CCSER1: variants seen among roughly 807,000 people sequenced by gnomAD.
The protein encoded by CCSER1 is coiled-coil serine rich protein 1, also known as serine-rich coiled-coil domain-containing protein 1.
CCSER1 carries 41 observed loss-of-function variants against 82.0 expected under a neutral mutation model. The observed-to-expected ratio is 0.50, with a 90% CI of 0.39 to 0.65. The LOEUF is 0.65. Ranked by LOEUF, CCSER1 falls within the 30% of genes least tolerant of loss-of-function variation. The pLI is 0.00. For synonymous variants in CCSER1, 414 were observed against 383.9 expected, an observed-to-expected ratio of 1.08 and a Z score of -0.92; for missense variants, 1,119 against 1,064.2, an observed-to-expected ratio of 1.05 and a Z score of -0.72.
In CCSER1 at chr4:90,130,951, T is replaced by G. The variant is rs558439875; in HGVS notation, c.-42+3120T>G. ...TATTCTTGAATTTAATTGTTAATAT[T>G]TACACATTTAAGAAGACAAATCTTT... On this transcript the variant is annotated intron_variant, in intron 1 of 10. Coordinates refer to ENST00000509176, the MANE Select transcript of CCSER1 (RefSeq NM_001145065.2). 8.7e-4 allele frequency among the ~76,000 whole-genome samples: 133 copies of G among 152,216 alleles called. 1 individual carries two copies. Among genetic ancestry groups the G allele is most frequent in the African/African-American group, 3.1e-3 (127 of 41,552 alleles).
chr4:90,128,293 G>A (rs1722172740), intron 1 of CCSER1, among the ~76,000 whole-genome samples: 2 of 152,100 alleles, frequency 1.3e-5, no homozygotes, highest in African/African-American at 4.8e-5. Flanking sequence ...GAGGGGGAAG[G>A]GGAGGAGGGG....
At chr4:91,179,976 A>T (rs891747830) in intron 10 of CCSER1, among the ~76,000 whole-genome samples, 1 of 152,212 alleles carries the variant, frequency 6.6e-6, no homozygotes, top group Non-Finnish European at 1.5e-5. Context: ...GGTGATGTAC[A>T]GATGGGGTTT....
At chr4:91,258,203 A>AT (rs1342712794) in intron 10 of CCSER1, among the ~76,000 whole-genome samples, 1 of 152,104 alleles carries the variant, frequency 6.6e-6, no homozygotes, top group African/African-American at 2.4e-5. Context: ...GTAGAAATGT[A>AT]TTTTTTTCAC....
chr4:90,968,960 T>G (rs1190746169), intron 9 of CCSER1, among the ~76,000 whole-genome samples: 2 of 150,986 alleles, frequency 1.3e-5, no homozygotes, highest in Non-Finnish European at 3.0e-5. Flanking sequence ...AATGTAAAGT[T>G]CAACAAAGAG....
chr4:91,573,653 C>T (rs979474336), intron 10 of CCSER1, among the ~76,000 whole-genome samples: 1 of 152,152 alleles, frequency 6.6e-6, no homozygotes, highest in African/African-American at 2.4e-5. Flanking sequence ...CGTGATGCTA[C>T]CAGGTGGACC....
chr4:90,939,594 A>G (rs1211115202), intron 9 of CCSER1, among the ~76,000 whole-genome samples: 1 of 152,232 alleles, frequency 6.6e-6, no homozygotes, highest in Non-Finnish European at 1.5e-5. Flanking sequence ...GAAATGCCAT[A>G]GAGCCAAGAA....
intron 8 of CCSER1, among the ~76,000 whole-genome samples, chr4:90,846,239 G>T (rs1366835758): frequency 1.3e-5 from 2 of 152,162 alleles, no homozygotes; most frequent in Non-Finnish European, 2.9e-5. Context: ...TTTATGTATA[G>T]AAATCCTTCA....
At chr4:91,311,624 C>T (rs1048595145) in intron 10 of CCSER1, among the ~76,000 whole-genome samples, 4 of 151,838 alleles carry the variant, frequency 2.6e-5, no homozygotes, top group African/African-American at 9.7e-5. Context: ...TAGTAGCTGT[C>T]TGTATTTCTA....
intron 10 of CCSER1, among the ~76,000 whole-genome samples, chr4:91,439,444 C>T (rs1320718442): frequency 6.6e-6 from 1 of 152,040 alleles, no homozygotes; most frequent in Non-Finnish European, 1.5e-5. Context: ...GAGACTTTGT[C>T]ACCACCAGGC....
At chr4:90,266,027 A>G (rs1179208409) in intron 1 of CCSER1, among the ~76,000 whole-genome samples, 1 of 152,194 alleles carries the variant, frequency 6.6e-6, no homozygotes, top group Non-Finnish European at 1.5e-5. Flanking sequence ...TTAGTTATTC[A>G]TATTCAGATT....
intron 10 of CCSER1, among the ~76,000 whole-genome samples, chr4:91,378,892 A>G (rs1578311468): frequency 2.0e-5 from 3 of 152,306 alleles, no homozygotes; most frequent in Admixed American, 2.0e-4. Context: ...TGGGTTTGCC[A>G]TAGATAGCTC....
At chr4:90,920,043 C>T (rs1023948906) in intron 8 of CCSER1, among the ~76,000 whole-genome samples, 1 of 151,772 alleles carries the variant, frequency 6.6e-6, no homozygotes, top group South Asian at 2.1e-4. Context: ...TTTAATTCTT[C>T]ACTATCCTTC....
Position 91,117,341 on chromosome 4 carries a change from C to T in CCSER1, c.2217+31347C>T, listed in dbSNP as rs141651760. Among the ~76,000 whole-genome samples the T allele has an allele frequency of 2.8e-3, 432 of 152,292 alleles. 2 individuals are homozygous for T. The highest frequency in any genetic ancestry group is 9.9e-3 in the African/African-American group (413 of 41,558). On this transcript the variant is annotated intron_variant, in intron 10 of 10. Coordinates refer to ENST00000509176, the MANE Select transcript of CCSER1 (RefSeq NM_001145065.2). ...CAGTCTGCCAGGGTTCAAATCTAGA[C>T]TTTACCTCTTATTAGCTGTTGAGTT...
At chr4:90,551,458 C>T (rs396813) in intron 5 of CCSER1, among the ~76,000 whole-genome samples, 2 of 151,942 alleles carry the variant, frequency 1.3e-5, no homozygotes, top group Non-Finnish European at 2.9e-5. Context: ...GTACTTTCTT[C>T]TATGCCCAGC....
chr4:90,814,895 C>T (rs1289936010), intron 7 of CCSER1, among the ~76,000 whole-genome samples: 1 of 152,146 alleles, frequency 6.6e-6, no homozygotes, highest in Non-Finnish European at 1.5e-5. Context: ...GTCTTCTGAG[C>T]CCTCCAAACT....
rs149848953 is a variant in CCSER1, at chr4:91,583,012, G to A, written c.2218-15560G>A. On this transcript the variant is annotated intron_variant, in intron 10 of 10. Transcript: ENST00000509176. ...AATGACTAATCCCATACTGTATATC[G>A]TTGTATAGTCCACTTAAGCCTAAAC... 1.7e-3 allele frequency among the ~76,000 whole-genome samples: 263 copies of A among 151,386 alleles called. 2 individuals carry two copies. Among genetic ancestry groups the A allele is most frequent in the African/African-American group, 6.0e-3 (249 of 41,436 alleles).
intron 10 of CCSER1, among the ~76,000 whole-genome samples, chr4:91,210,912 C>T (rs1279062667): frequency 1.3e-5 from 2 of 151,914 alleles, no homozygotes; most frequent in East Asian, 3.9e-4. Flanking sequence ...ATTAGAAATA[C>T]ACACTAAGTA....
intron 1 of CCSER1, among the ~76,000 whole-genome samples, chr4:90,183,114 G>T (rs538587898): frequency 6.6e-6 from 1 of 152,016 alleles, no homozygotes; most frequent in South Asian, 2.1e-4. Flanking sequence ...TGAAAAATTG[G>T]TAGACCTTGA....
intron 3 of CCSER1, among the ~76,000 whole-genome samples, chr4:90,339,069 C>T (rs78730419): frequency 2.0e-5 from 3 of 152,062 alleles, no homozygotes; most frequent in South Asian, 2.1e-4. Flanking sequence ...ATATTTATAG[C>T]GTTTACAAGA....
Sources: allele counts gnomAD v4.1 joint callset (sites outside exome capture counted in the v4.1 genomes callset), GRCh38; gene constraint gnomAD v4.1.1; transcripts MANE v1.5; gene names NCBI Gene and HGNC (gene_info 2026-07-23, HGNC 2026-07-21).